The following DMD variants were observed in gnomAD, a reference collection of about 807,000 sequenced individuals.
The protein encoded by DMD is dystrophin, also known as mutant dystrophin.
DMD carries 63 observed loss-of-function variants against 330.1 expected under a neutral mutation model. The observed-to-expected ratio is 0.19, with a 90% CI of 0.16 to 0.24. The LOEUF (loss-of-function observed/expected upper bound fraction) is 0.24, where lower values mean the gene tolerates loss of function less well. Among genes scored for constraint, DMD ranks in the 10% least tolerant of loss-of-function variants. DMD has a pLI of 1.00. For synonymous variants in DMD, 1,223 were observed against 959.8 expected (o/e 1.27, Z -5.07); for missense variants, 3,344 against 2,684.1 (o/e 1.25, Z -5.43).
intron 55 of DMD, among the ~76,000 whole-genome samples, chrX:31,606,520 C>T (rs2052893523): frequency 9.0e-6 from 1 of 111,387 alleles, no homozygotes; most frequent in East Asian, 2.8e-4. Flanking sequence ...CAGTTGCTTT[C>T]GTTATAAAAT....
chrX:31,374,578 G>A (rs1434829358), intron 60 of DMD, among the ~76,000 whole-genome samples: 2 of 101,048 alleles, frequency 2.0e-5, no homozygotes, highest in Non-Finnish European at 2.0e-5. Flanking sequence ...ATGGACAAAA[G>A]ACCAAACACC....
intron 7 of DMD, among the ~76,000 whole-genome samples, chrX:32,768,720 C>T (rs2073275974): frequency 1.8e-5 from 2 of 111,965 alleles, no homozygotes; most frequent in Non-Finnish European, 3.8e-5. Context: ...CTCTTATTGA[C>T]TTGAGGTAAT....
chrX:32,638,877 G>T, intron 11 of DMD, among the ~76,000 whole-genome samples: 1 of 110,563 alleles, frequency 9.0e-6, no homozygotes. Context: ...TATTTCCAGA[G>T]TCAAATAGAC....
At chrX:32,377,519 T>C (rs891987525) in intron 34 of DMD, among the ~76,000 whole-genome samples, 7 of 111,982 alleles carry the variant, frequency 6.3e-5, no homozygotes, top group Admixed American at 4.8e-4. Context: ...TTTTTAGCTA[T>C]TGAAGCCTTC....
At chrX:32,882,701 T>C (rs1478929150) in intron 2 of DMD, among the ~76,000 whole-genome samples, 1 of 112,436 alleles carries the variant, frequency 8.9e-6, no homozygotes, top group Admixed American at 9.4e-5. Flanking sequence ...TTTTAAAAAT[T>C]CTAACCATGG....
chrX:33,118,159 G>T, intron 1 of DMD, among the ~76,000 whole-genome samples: 1 of 99,528 alleles, frequency 1.0e-5, no homozygotes, highest in South Asian at 4.9e-4. Flanking sequence ...CGCCCAGGCT[G>T]GAGTGCAGTG....
At chrX:31,286,105 C>A (rs1303478567) in intron 62 of DMD, among the ~76,000 whole-genome samples, 1 of 111,994 alleles carries the variant, frequency 8.9e-6, no homozygotes, top group East Asian at 2.8e-4. Flanking sequence ...TATTTTGATG[C>A]TGTTTTTGCC....
At chrX:32,036,595 C>T (rs1291894375) in intron 44 of DMD, among the ~76,000 whole-genome samples, 1 of 111,124 alleles carries the variant, frequency 9.0e-6, no homozygotes, top group Non-Finnish European at 1.9e-5. Context: ...AAGCTTGAAG[C>T]ACCTGAGGGA....
chrX:32,205,013 A>T (rs1312187972), intron 44 of DMD, among the ~76,000 whole-genome samples: 46 of 59,136 alleles, frequency 7.8e-4, no homozygotes, highest in Non-Finnish European at 1.3e-3. Context: ...TCTCACATAC[A>T]CACACACACA....
chrX:31,506,579 C>T (rs1426227876), intron 56 of DMD, among the ~76,000 whole-genome samples: 1 of 112,402 alleles, frequency 8.9e-6, no homozygotes, highest in Non-Finnish European at 1.9e-5. Flanking sequence ...GGAACTATTG[C>T]AAAACTGGTA....
chrX:32,522,631 C>T (rs1371641274), intron 17 of DMD, among the ~76,000 whole-genome samples: 1 of 112,141 alleles, frequency 8.9e-6, no homozygotes, highest in East Asian at 2.8e-4. Context: ...TCAACATGAT[C>T]CTTTATAATC....
chrX:31,289,251 C>CAAAAAAAAAAAAAAAAAA (rs773939250), intron 62 of DMD, among the ~76,000 whole-genome samples: 22 of 23,535 alleles, frequency 9.3e-4, no homozygotes, highest in African/African-American at 1.3e-3. Flanking sequence ...GGTGACAGAG[C>CAAAAAAAAAAAAAAAAAA]AAAAAAAAAA....
intron 7 of DMD, among the ~76,000 whole-genome samples, chrX:32,796,593 G>A (rs1053478801): frequency 9.0e-6 from 1 of 111,719 alleles, no homozygotes; most frequent in Non-Finnish European, 1.9e-5. Flanking sequence ...CAAAGTAGAT[G>A]AGAGAACTCA....
chrX:31,479,318 T>TG (rs1403503443), intron 57 of DMD, among the ~76,000 whole-genome samples: 1 of 111,540 alleles, frequency 9.0e-6, no homozygotes, highest in Non-Finnish European at 1.9e-5. Flanking sequence ...TCTGGGGAGA[T>TG]GGGGGGAGCA....
At chrX:31,375,563 T>G (rs749300611) in intron 60 of DMD, among the ~76,000 whole-genome samples, 1 of 111,518 alleles carries the variant, frequency 9.0e-6, no homozygotes, top group African/African-American at 3.3e-5. Context: ...TGACAGCTAA[T>G]AGGTGATACT....
chrX:31,355,608 C>T (rs913143198), intron 60 of DMD, among the ~76,000 whole-genome samples: 2 of 111,568 alleles, frequency 1.8e-5, no homozygotes, highest in Non-Finnish European at 3.8e-5. Context: ...AGTCTATTCA[C>T]GAGTTTTTGT....
chrX:33,252,892 C>CTTCT (rs2052794423), intron 1 of DMD, among the ~76,000 whole-genome samples: 2 of 111,529 alleles, frequency 1.8e-5, no homozygotes, highest in Admixed American at 1.9e-4. Context: ...GTGAAAGAAA[C>CTTCT]TTCTTACATG....
At chrX:32,991,654 CAT>C (rs1245175411) in intron 2 of DMD, among the ~76,000 whole-genome samples, 1 of 111,762 alleles carries the variant, frequency 8.9e-6, no homozygotes, top group Non-Finnish European at 1.9e-5. Context: ...TTTATTGGTA[CAT>C]ATGTCATATA....
rs778115427 is a variant in DMD, at chrX:32,634,052, C to A, written c.1331+10080G>T. 3.8e-4 allele frequency among the ~76,000 whole-genome samples: 42 copies of A among 111,699 alleles called. No individual in the cohort carries two copies. In the South Asian group the frequency reaches 7.6e-3, roughly 20 times the overall value. Reference sequence around the variant, plus strand: ...TACCTGGTGCTCTATTCTACTGTGGCTAAGCTGGCACCCCACCCAAAAGAT... The same window carrying A: ...TACCTGGTGCTCTATTCTACTGTGGATAAGCTGGCACCCCACCCAAAAGAT... On this transcript the variant is annotated intron_variant, in intron 11 of 78. Coordinates refer to ENST00000357033, the MANE Select transcript of DMD (RefSeq NM_004006.3).
Sources: gnomAD v4.1 joint callset for allele counts (sites outside exome capture counted in the v4.1 genomes callset) on GRCh38, gnomAD v4.1.1 for gene constraint, MANE v1.5 for transcripts, NCBI Gene and HGNC (gene_info 2026-07-23, HGNC 2026-07-21) for gene names.